The following PWWP3A variants were observed in gnomAD, a reference collection of about 807,000 sequenced individuals.
The protein encoded by PWWP3A is PWWP domain-containing DNA repair factor 3A.
In PWWP3A, 53 loss-of-function variants were observed where a neutral mutation model predicts 79.0. The ratio of observed to expected loss-of-function variants is 0.67; its 90% CI spans 0.54 to 0.84. The LOEUF is 0.84. PWWP3A is among the 40% of genes least tolerant of loss of function. The pLI is 0.00. For synonymous variants in PWWP3A, 443 were observed against 394.4 expected (o/e 1.12, Z -1.46); for missense variants, 973 against 948.0 (o/e 1.03, Z -0.35).
At chr19:1,367,053 G>A (rs2082144600) in intron 8 of PWWP3A, 107 bp from the exon 9 acceptor site, 5 of 804,692 alleles carry the variant, frequency 6.2e-6, no homozygotes, top group Non-Finnish European at 1.0e-5. Context: ...GCTGGGGCTG[G>A]TGGGGCCTCC....
In PWWP3A at chr19:1,360,333, C is replaced by T. The variant is rs535054397; in HGVS notation, c.412C>T (p.Leu138Phe). The change falls in exon 5 of 14, where the codon CTT becomes TTT. Residue 138 changes from leucine to phenylalanine, a missense_variant. Physicochemically the swap from Leu to Phe is conservative, Grantham distance 22. Transcript: ENST00000591337. The surrounding 1 kb of genome is among the most constrained non-coding windows in gnomAD (Gnocchi z 4.4). ...GCCCTGTGATTCGAACTCCTCATCTCTTCCCCGCGGAGACGTGTTGGGCAG... is the reference window on the plus strand; with the variant it reads ...GCCCTGTGATTCGAACTCCTCATCTTTTCCCCGCGGAGACGTGTTGGGCAG... ...SSPCDSNSSS[L>F]PRGDVLGSSR... 9.3e-6 allele frequency: 15 copies of T among 1,614,076 alleles called. No individual in the cohort carries two copies. Among genetic ancestry groups the T allele is most frequent in the Middle Eastern group, 1.6e-4 (1 of 6,062 alleles).
chr19:1,374,949 G>A (rs1385233651), intron 13 of PWWP3A, among the ~76,000 whole-genome samples: 1 of 151,720 alleles, frequency 6.6e-6, no homozygotes, highest in Non-Finnish European at 1.5e-5. Context: ...GGCCTGGTGC[G>A]GTTGCTCACG....
rs374628494 is a variant in PWWP3A at position 1,373,176 on chromosome 19, C to T, written c.2075+16C>T. On this transcript the variant is annotated intron_variant, in intron 13 of 13. Coordinates refer to ENST00000591337, the MANE Select transcript of PWWP3A (RefSeq NM_001369789.1). ...TGAGCTACCGGTAGGCCGCTCCCGGCGCTATCTCCAGCCACTTGCGTCTCT... is the reference window on the plus strand; with the variant it reads ...TGAGCTACCGGTAGGCCGCTCCCGGTGCTATCTCCAGCCACTTGCGTCTCT... The T allele has an allele frequency of 6.3e-5, 102 of 1,609,566 alleles. No individual in the cohort carries two copies. The highest frequency in any genetic ancestry group is 8.1e-5 in the Non-Finnish European group (95 of 1,176,530).
At chr19:1,365,429 C>T (rs906039081) in intron 7 of PWWP3A, among the ~76,000 whole-genome samples, 8 of 152,260 alleles carry the variant, frequency 5.3e-5, no homozygotes, top group Admixed American at 2.0e-4. Flanking sequence ...CGCCAAAAGG[C>T]GTTGGCCCTG....
chr19:1,361,717 T>C (rs934766196), intron 5 of PWWP3A, among the ~76,000 whole-genome samples: 2 of 152,062 alleles, frequency 1.3e-5, no homozygotes, highest in African/African-American at 4.8e-5. Context: ...TGCCACGCTC[T>C]GAAGACAAAG....
Position 1,376,291 on chromosome 19 carries a change from G to GTTTTTTTTTTTTTTTTT in PWWP3A, c.2076-225_2076-224insTTTTTTTTTTTTTTTTT, listed in dbSNP as rs1350699607. On this transcript the variant is annotated intron_variant, in intron 13 of 13. Coordinates refer to ENST00000591337, the MANE Select transcript of PWWP3A (RefSeq NM_001369789.1). ...CAGACATGCGCCACCACGCCCGGCT[G>GTTTTTTTTTTTTTTTTT]TTTGTTTTTTTTTTTGTTTGTTTTT... Among the ~76,000 whole-genome samples, 51 of 50,854 alleles carry GTTTTTTTTTTTTTTTTT rather than the reference G, an allele frequency of 1.0e-3. 3 individuals carry two copies. The highest frequency in any genetic ancestry group is 2.1e-3 in the Admixed American group (10 of 4,784). The allele number at this position is 50,854 out of a possible 152,430, so 33.4% of individuals were successfully genotyped here.
intron 2 of PWWP3A, 91 bp downstream of exon 2, chr19:1,356,540 C>A: frequency 1.6e-6 from 2 of 1,289,234 alleles, no homozygotes; most frequent in South Asian, 1.3e-5. Flanking sequence ...GGATTTGCTT[C>A]AGTGAAATAA....
Position 1,355,007 on chromosome 19 carries a change from CGGT to C in PWWP3A, c.-195_-193del, listed in dbSNP as rs1251818112. On this transcript the variant is annotated 5_prime_UTR_variant, in exon 1 of 14. Transcript: ENST00000591337. Reference sequence around the variant, plus strand: ...GGAGCGGCGGCGGCGGCGGCGGCGGCGGTGGCGGAGGCGGTGAGCGCGGGCGGC... The same window carrying C: ...GGAGCGGCGGCGGCGGCGGCGGCGGCGGCGGAGGCGGTGAGCGCGGGCGGC... 11 of 142,256 alleles carry C rather than the reference CGGT, an allele frequency of 7.7e-5. No homozygotes were observed. The highest frequency in any genetic ancestry group is 5.9e-4 in the East Asian group (3 of 5,070). 8.8% of individuals were successfully genotyped at this position (142,256 alleles called of 1,614,324 possible). A position where few individuals can be genotyped will look rare whatever the true frequency, so the allele number is the denominator to read the frequency against.
intron 11 of PWWP3A, 114 bp from the exon 12 acceptor site, chr19:1,370,528 C>G: frequency 3.1e-6 from 3 of 954,242 alleles, no homozygotes; most frequent in Non-Finnish European, 4.5e-6. Context: ...GGAGCTCGAT[C>G]GCTAGGGTCT....
In PWWP3A at chr19:1,377,916, C is replaced by T. The variant is rs370807263; in HGVS notation, c.*1340C>T. On this transcript the variant is annotated 3_prime_UTR_variant, in exon 14 of 14. Transcript: ENST00000591337. Reference sequence around the variant, plus strand: ...TGCAGGGCGCTGTGCGGGACGAAGCCGCAAGGACTCTCGTATCGGGCCCTT... The same window carrying T: ...TGCAGGGCGCTGTGCGGGACGAAGCTGCAAGGACTCTCGTATCGGGCCCTT... The T allele has an allele frequency of 6.6e-6, 1 of 152,374 alleles. No homozygotes were observed. The highest frequency in any genetic ancestry group is 1.9e-4 in the East Asian group (1 of 5,186). The allele number at this position is 152,374 out of a possible 1,614,324, so 9.4% of individuals were successfully genotyped here.
chr19:1,367,988 G>A (rs1011439844), intron 9 of PWWP3A, among the ~76,000 whole-genome samples: 1 of 152,070 alleles, frequency 6.6e-6, no homozygotes, highest in Non-Finnish European at 1.5e-5. Flanking sequence ...GCAGCGGTGC[G>A]ATCTCAGCTC....
At chr19:1,363,085 A>ACCCGGGCTTCCCC (rs1470976635) in intron 6 of PWWP3A, among the ~76,000 whole-genome samples, 1 of 152,150 alleles carries the variant, frequency 6.6e-6, no homozygotes, top group African/African-American at 2.4e-5. Context: ...GGGGCTTCTC[A>ACCCGGGCTTCCCC]CCCGGGCTTC....
rs1171787171 is a variant in PWWP3A at position 1,368,153 on chromosome 19, G to C, written c.1422+933G>C. 6.6e-6 allele frequency among the ~76,000 whole-genome samples: 1 copy of C among 152,142 alleles called. No homozygotes were observed. The highest frequency in any genetic ancestry group is 2.4e-5 in the African/African-American group (1 of 41,428). The stretch of plus-strand genomic sequence containing the variant: ...TTGGCCAGGTTGGTCTCGAACTCCT[G>C]ACCTCATGATCCGCCTGCCTCAGCC... On this transcript the variant is annotated intron_variant, in intron 9 of 13. Coordinates refer to ENST00000591337, the MANE Select transcript of PWWP3A (RefSeq NM_001369789.1). This position sits in a 1 kb window ranked among gnomAD's most constrained non-coding sequence, Gnocchi z 4.7.
rs2082347532 is a variant in PWWP3A, at chr19:1,375,476, ATATAT to A, written c.2076-1037_2076-1033del. 2.3e-5 allele frequency among the ~76,000 whole-genome samples: 3 copies of A among 133,002 alleles called. 1 individual carries two copies. The South Asian group carries it at 6.5e-4, about 29-fold the overall frequency. The allele number at this position is 133,002 out of a possible 152,430, so 87.3% of individuals were successfully genotyped here. A position where few individuals can be genotyped will look rare whatever the true frequency, so the allele number is the denominator to read the frequency against. On this transcript the variant is annotated intron_variant, in intron 13 of 13. Transcript: ENST00000591337. Reference sequence around the variant, plus strand: ...ATATAATGTATATTATATAAAATTTATATATTATATAAAATATATAAATTTTATAT... The same window carrying A: ...ATATAATGTATATTATATAAAATTTATATATAAAATATATAAATTTTATAT...
In PWWP3A at chr19:1,356,582, G is replaced by A. The variant is rs889381732; in HGVS notation, c.57+133G>A. On this transcript the variant is annotated intron_variant, in intron 2 of 13. Coordinates refer to ENST00000591337, the MANE Select transcript of PWWP3A (RefSeq NM_001369789.1). The stretch of plus-strand genomic sequence containing the variant: ...CAGAACACGGTTGGCACTGATTCTC[G>A]TTCCCCATTTAATGGGGTTTTGGTC... 2.1e-5 allele frequency: 17 copies of A among 799,442 alleles called. No homozygotes were observed. The Admixed American group carries it at 2.3e-4, about 11-fold the overall frequency. 49.5% of individuals were successfully genotyped at this position (799,442 alleles called of 1,614,324 possible).
At chr19:1,372,744 G>C (rs202132714) in intron 12 of PWWP3A, 2 of 233,900 alleles carry the variant, frequency 8.6e-6, no homozygotes, top group African/African-American at 4.6e-5. Flanking sequence ...GCGACAGGGC[G>C]AGACTCTGTA....
At chr19:1,376,295 G>GTTTTTTTTTTTTTTTTTTTTTTT (rs754438911) in intron 13 of PWWP3A, among the ~76,000 whole-genome samples, 13 of 67,062 alleles carry the variant, frequency 1.9e-4, no homozygotes, top group South Asian at 6.4e-4. Context: ...CCGGCTGTTT[G>GTTTTTTTTTTTTTTTTTTTTTTT]TTTTTTTTTT....
chr19:1,364,078 A>C, intron 6 of PWWP3A: 1 of 494,182 alleles, frequency 2.0e-6, no homozygotes, highest in Non-Finnish European at 4.1e-6. Flanking sequence ...CCTCTTTAGA[A>C]TCTCAGTCCT....
Position 1,362,232 on chromosome 19 carries a change from A to G in PWWP3A, c.1112-18A>G, listed in dbSNP as rs747593650. Reference sequence around the variant, plus strand: ...ACAATGCAATGACCATGAAAGTCTAATATCACATTATTGGCAGAGTGCCAG... The same window carrying G: ...ACAATGCAATGACCATGAAAGTCTAGTATCACATTATTGGCAGAGTGCCAG... On this transcript the variant is annotated intron_variant, in intron 5 of 13. Coordinates refer to ENST00000591337, the MANE Select transcript of PWWP3A (RefSeq NM_001369789.1). The G allele has an allele frequency of 3.1e-6, 5 of 1,599,340 alleles. No individual in the cohort carries two copies. The highest frequency in any genetic ancestry group is 1.1e-5 in the South Asian group (1 of 89,932).
Sources: gnomAD v4.1 joint callset for allele counts (sites outside exome capture counted in the v4.1 genomes callset) on GRCh38, gnomAD v4.1.1 for gene constraint, Gnocchi (gnomAD v3.1) non-coding constraint, MANE v1.5 for transcripts, NCBI Gene and HGNC (gene_info 2026-07-23, HGNC 2026-07-21) for gene names.